SUSD3: variants seen among roughly 807,000 people sequenced by gnomAD.
SUSD3 encodes sushi domain-containing protein 3.
Under a neutral mutation model 20.6 loss-of-function variants are expected in SUSD3, and 18 were observed. The observed-to-expected ratio is 0.87, with a 90% CI of 0.60 to 1.30. SUSD3 has a LOEUF of 1.30. Ranked by LOEUF, SUSD3 falls within the 50% of genes most tolerant of loss-of-function variation. The pLI is 0.00. For synonymous variants in SUSD3, 137 were observed against 141.5 expected (o/e 0.97, Z 0.23); for missense variants, 306 against 346.9 (o/e 0.88, Z 0.94).
intron 4 of SUSD3, among the ~76,000 whole-genome samples, chr9:93,082,218 T>G (rs976746362): frequency 2.0e-5 from 3 of 152,230 alleles, no homozygotes; most frequent in African/African-American, 7.2e-5. Context: ...TTTTCTGTTT[T>G]CTCTGCTGAA....
intron 3 of SUSD3, 33 bp downstream of exon 3, chr9:93,078,026 G>C: frequency 6.2e-7 from 1 of 1,613,682 alleles, no homozygotes; most frequent in Non-Finnish European, 8.5e-7. Flanking sequence ...GGGTCCTCCC[G>C]GGAGGCGCCT....
At chr9:93,075,751 C>CCCCCCCCCCCCCCCCCCCCT in intron 1 of SUSD3, 33 bp from the exon 2 acceptor site, 1 of 248,754 alleles carries the variant, frequency 4.0e-6, no homozygotes, top group Non-Finnish European at 7.6e-6. Context: ...CCCCCCCCCC[C>CCCCCCCCCCCCCCCCCCCCT]CCGCCATGCC....
chr9:93,060,355 C>T (rs947931043), intron 1 of SUSD3, among the ~76,000 whole-genome samples: 1 of 152,142 alleles, frequency 6.6e-6, no homozygotes, highest in Admixed American at 6.5e-5. Context: ...CACTGTATAC[C>T]TGCCCCCAAG....
intron 1 of SUSD3, among the ~76,000 whole-genome samples, chr9:93,066,852 C>T (rs183714670): frequency 6.6e-5 from 10 of 152,230 alleles, no homozygotes; most frequent in Non-Finnish European, 1.2e-4. Context: ...GGATTACAGG[C>T]GTGCACCACC....
chr9:93,078,001 G>A lies in SUSD3; in HGVS notation c.425+8G>A, dbSNP rs775001134. 3 of 1,614,146 alleles carry A rather than the reference G, an allele frequency of 1.9e-6. No individual in the cohort carries two copies. Among genetic ancestry groups the A allele is most frequent in the Non-Finnish European group, 2.5e-6 (3 of 1,180,024 alleles). On this transcript the variant is annotated splice_region_variant and intron_variant, in intron 3 of 4. Transcript: ENST00000375472. ...GCGGCGGCGCTCCAACAGGTACGGT[G>A]GCCTCATGATCTCAGGGTCCTCCCG...
At chr9:93,075,761 C>A in intron 1 of SUSD3, 23 bp from the exon 2 acceptor site, 2 of 915,766 alleles carry the variant, frequency 2.2e-6, no homozygotes, top group Non-Finnish European at 3.2e-6. Context: ...CCCGCCATGC[C>A]TCATACCTGC....
chr9:93,070,417 C>T (rs1242883760), intron 1 of SUSD3, among the ~76,000 whole-genome samples: 2 of 151,970 alleles, frequency 1.3e-5, no homozygotes, highest in African/African-American at 2.4e-5. Context: ...GTCAGAATGG[C>T]CCTGCCCAGG....
intron 1 of SUSD3, among the ~76,000 whole-genome samples, chr9:93,066,120 C>T (rs534648315): frequency 6.6e-6 from 1 of 152,222 alleles, no homozygotes; most frequent in African/African-American, 2.4e-5. Flanking sequence ...CAGGCCCTCC[C>T]CACTCTGTGT....
In SUSD3 at chr9:93,058,760, C is replaced by G. The variant is rs113757203; in HGVS notation, c.18C>G (p.Ala6=). ...CGCGCAGGATGCGCTGGGCGGCCGC[C>G]ACCCTCCGTGGCAAGGCGAGGCCCC... MRWAA[A]TLRGKARPRG... Residue 6 remains alanine, a synonymous_variant, in exon 1 of 5, where the codon GCC becomes GCG. Coordinates refer to ENST00000375472, the MANE Select transcript of SUSD3 (RefSeq NM_145006.4). The G allele has an allele frequency of 8.1e-7, 1 of 1,236,528 alleles. No individual in the cohort carries two copies. The allele number at this position is 1,236,528 out of a possible 1,614,324, so 76.6% of individuals were successfully genotyped here.
At position 93,062,512 on chromosome 9, in the gene SUSD3, C is replaced by G. The variant is rs528285908; in HGVS notation, c.88+3682C>G. On this transcript the variant is annotated intron_variant, in intron 1 of 4. Coordinates refer to ENST00000375472, the MANE Select transcript of SUSD3 (RefSeq NM_145006.4). ...GGACGGATCCAGAGAGGCAAGGCCT[C>G]TGCCTCCAGCTTTAGGGAACAGACA... 3.0e-4 allele frequency among the ~76,000 whole-genome samples: 46 copies of G among 152,300 alleles called. No homozygotes were observed. In the South Asian group the frequency reaches 7.7e-3, roughly 25 times the overall value.
At chr9:93,062,295 G>C (rs1413991154) in intron 1 of SUSD3, among the ~76,000 whole-genome samples, 1 of 152,226 alleles carries the variant, frequency 6.6e-6, no homozygotes, top group Admixed American at 6.5e-5. Flanking sequence ...GCAGGGCCTC[G>C]TGTGTTTTTA....
rs139929631 is a variant in SUSD3, at chr9:93,074,460, A to G, written c.89-1324A>G. On this transcript the variant is annotated intron_variant, in intron 1 of 4. Transcript: ENST00000375472. ...AAAAAAAAAAAAAAAAAAAAAAAAG[A>G]ACATCACTGTAAGTGCTCTCTGGTA... is the stretch of plus-strand genomic sequence containing the variant. Among the ~76,000 whole-genome samples, 111 of 145,470 alleles carry G rather than the reference A, an allele frequency of 7.6e-4. 2 individuals are homozygous for G. In the East Asian group the frequency reaches 0.019, roughly 25 times the overall value.
chr9:93,080,318 CAAA>C (rs56134136), intron 4 of SUSD3, among the ~76,000 whole-genome samples: 58 of 56,750 alleles, frequency 1.0e-3, no homozygotes, highest in African/African-American at 3.2e-3. Flanking sequence ...GACTCCGTCT[CAAA>C]AAAAAAAAAA....
At chr9:93,082,340 C>T (rs1274049872) in intron 4 of SUSD3, among the ~76,000 whole-genome samples, 8 of 100,004 alleles carry the variant, frequency 8.0e-5, no homozygotes, top group East Asian at 5.9e-4. Flanking sequence ...TTTTTTGAGG[C>T]GGAGTCTTGC....
At chr9:93,075,411 CTTTT>C (rs58393196) in intron 1 of SUSD3, among the ~76,000 whole-genome samples, 32 of 101,274 alleles carry the variant, frequency 3.2e-4, no homozygotes, top group African/African-American at 1.2e-3. Context: ...CTCTGTCCCT[CTTTT>C]TTTTTTTTTT....
At chr9:93,071,060 G>C (rs1343146682) in intron 1 of SUSD3, among the ~76,000 whole-genome samples, 1 of 152,198 alleles carries the variant, frequency 6.6e-6, no homozygotes, top group Non-Finnish European at 1.5e-5. Context: ...CCTAACTCCA[G>C]CTGGAGTTTA....
chr9:93,062,605 G>A (rs78811175), intron 1 of SUSD3, among the ~76,000 whole-genome samples: 1 of 152,322 alleles, frequency 6.6e-6, no homozygotes, highest in East Asian at 1.9e-4. Flanking sequence ...TCTGCAGGCA[G>A]CTGGGAGTTC....
chr9:93,068,401 C>T (rs1042262221), intron 1 of SUSD3, among the ~76,000 whole-genome samples: 1 of 152,138 alleles, frequency 6.6e-6, no homozygotes, highest in East Asian at 1.9e-4. Context: ...CTTCAGTTGT[C>T]CCAGCATCAG....
rs140275671 is a variant in SUSD3 at position 93,066,298 on chromosome 9, A to C, written c.88+7468A>C. On this transcript the variant is annotated intron_variant, in intron 1 of 4. Coordinates refer to ENST00000375472, the MANE Select transcript of SUSD3 (RefSeq NM_145006.4). The stretch of plus-strand genomic sequence containing the variant: ...GCCCATGTTGGAGTGCAGTGGCATG[A>C]TCTCAGTTCACTGCAACCTCCACCT... Among the ~76,000 whole-genome samples the C allele has an allele frequency of 5.8e-3, 887 of 152,272 alleles. 10 individuals carry two copies. Among genetic ancestry groups the C allele is most frequent in the African/African-American group, 0.02 (826 of 41,534 alleles).
Sources: allele counts gnomAD v4.1 joint callset (sites outside exome capture counted in the v4.1 genomes callset), GRCh38; gene constraint gnomAD v4.1.1; transcripts MANE v1.5; gene names NCBI Gene and HGNC (gene_info 2026-07-23, HGNC 2026-07-21).